The following KIF5C variants were observed in gnomAD, a reference collection of about 807,000 sequenced individuals.
KIF5C encodes the protein kinesin heavy chain isoform 5C.
In KIF5C, 18 loss-of-function variants were observed where a neutral mutation model predicts 125.2. The ratio of observed to expected loss-of-function variants is 0.14; its 90% CI spans 0.10 to 0.21. KIF5C has a LOEUF of 0.21. KIF5C is among the 10% of genes least tolerant of loss of function. The pLI is 1.00. For missense variants in KIF5C, 780 were observed against 1,183.8 expected (o/e 0.66, Z 5.01); for synonymous variants, 405 against 434.0 (o/e 0.93, Z 0.83).
intron 11 of KIF5C, among the ~76,000 whole-genome samples, chr2:148,962,621 T>C (rs1329160239): frequency 2.0e-5 from 3 of 152,142 alleles, no homozygotes; most frequent in Non-Finnish European, 4.4e-5. Context: ...ACAGGCACCA[T>C]CCCCATCCCA....
chr2:148,898,898 T>C (rs1256426533), intron 1 of KIF5C, among the ~76,000 whole-genome samples: 1 of 152,176 alleles, frequency 6.6e-6, no homozygotes, highest in East Asian at 1.9e-4. Flanking sequence ...CAAACACAAG[T>C]TTTTACCAGA....
At chr2:148,967,324 G>A (rs1388588335) in intron 11 of KIF5C, among the ~76,000 whole-genome samples, 1 of 152,206 alleles carries the variant, frequency 6.6e-6, no homozygotes, top group African/African-American at 2.4e-5. Flanking sequence ...CAAAGCAGAG[G>A]CAACAGGCTC....
At chr2:148,904,523 G>C (rs774707648) in intron 1 of KIF5C, among the ~76,000 whole-genome samples, 1 of 152,208 alleles carries the variant, frequency 6.6e-6, no homozygotes, top group Non-Finnish European at 1.5e-5. Context: ...TGGATTAGGC[G>C]TTGATGGTGG....
At chr2:148,897,014 G>A (rs1680699915) in intron 1 of KIF5C, among the ~76,000 whole-genome samples, 1 of 152,088 alleles carries the variant, frequency 6.6e-6, no homozygotes, top group Admixed American at 6.6e-5. Context: ...TGTATCTTTA[G>A]TAGAGATGGG....
Position 149,005,478 on chromosome 2 carries a change from G to T in KIF5C, c.2445+14G>T, listed in dbSNP as rs763352488. 6.2e-7 allele frequency: 1 copy of T among 1,612,980 alleles called. No homozygotes were observed. On this transcript the variant is annotated intron_variant, in intron 22 of 25. Transcript: ENST00000435030. ...CGAGTTAAAAAAGTGAGTTCTCTTT[G>T]TCTGAATGGGACTGAGAAGAAAATC...
chr2:148,907,814 T>C (rs1681173056), intron 1 of KIF5C, among the ~76,000 whole-genome samples: 1 of 152,226 alleles, frequency 6.6e-6, no homozygotes, highest in Non-Finnish European at 1.5e-5. Flanking sequence ...TGCCTGACTC[T>C]GTGGCTCAGG....
chr2:148,891,604 G>A (rs772007047), intron 1 of KIF5C, among the ~76,000 whole-genome samples: 4 of 152,068 alleles, frequency 2.6e-5, no homozygotes, highest in South Asian at 2.1e-4. Flanking sequence ...ATTCTTCCTC[G>A]CTTGTGAAAT....
At chr2:148,948,067 G>A (rs1030182867) in intron 8 of KIF5C, 2 of 454,208 alleles carry the variant, frequency 4.4e-6, no homozygotes, top group Non-Finnish European at 4.4e-6. Flanking sequence ...CTAGTATGGG[G>A]CCGGGTGCAG....
At position 149,005,410 on chromosome 2, in the gene KIF5C, A is replaced by T. The variant is rs1278552292; in HGVS notation, c.2391A>T (p.Thr797=). 6.2e-7 allele frequency: 1 copy of T among 1,613,840 alleles called. No homozygotes were observed. The highest frequency in any genetic ancestry group is 1.7e-5 in the Admixed American group (1 of 60,000). ...TCTTCCAGTCTAGAGAATTGCAGAC[A>T]CTGCACAACCTTCGGAAACTCTTTG... ...LEETVSRELQ[T]LHNLRKLFVQ... Residue 797 remains threonine (T), a synonymous_variant, in exon 22 of 26, where the codon ACA becomes ACT. Transcript: ENST00000435030.
At chr2:148,993,219 T>A (rs1681573229) in intron 16 of KIF5C, among the ~76,000 whole-genome samples, 2 of 152,222 alleles carry the variant, frequency 1.3e-5, no homozygotes, top group South Asian at 4.2e-4. Flanking sequence ...TGGAGTAGGG[T>A]GTAGCCAGAG....
chr2:148,899,702 C>CAAA (rs771196518), intron 1 of KIF5C, among the ~76,000 whole-genome samples: 21 of 45,998 alleles, frequency 4.6e-4, no homozygotes, highest in African/African-American at 9.1e-4. Context: ...AACTCCATCT[C>CAAA]AAAAAAAAAA....
chr2:148,954,921 TGGG>T (rs1165229197), intron 10 of KIF5C, among the ~76,000 whole-genome samples: 1 of 152,148 alleles, frequency 6.6e-6, no homozygotes, highest in Non-Finnish European at 1.5e-5. Context: ...TCATTCCTGT[TGGG>T]GGGCCTGTTG....
chr2:148,942,718 G>A lies in KIF5C; in HGVS notation c.547G>A (p.Val183Ile). Reference sequence around the variant, plus strand: ...GTCGAGCCCTGAGGAAGTCATGGATGTAATAGATGAAGGCAAAGCAAACCG... The same window carrying A: ...GTCGAGCCCTGAGGAAGTCATGGATATAATAGATGAAGGCAAAGCAAACCG... ...FVSSPEEVMD[V>I]IDEGKANRHV... is the part of the protein sequence containing the mutation. The change falls in exon 7 of 26, where the codon GTA (valine) becomes ATA (isoleucine). Residue 183 changes from valine to isoleucine, a missense_variant. Physicochemically the swap from Val to Ile is conservative, Grantham distance 29. Around this residue, in one of 2 missense-constraint regions of KIF5C, gnomAD observed 207 missense variants for 441.2 expected, o/e 0.47. Transcript: ENST00000435030. 1 of 1,611,564 alleles carries A rather than the reference G, an allele frequency of 6.2e-7. No homozygotes were observed. The highest frequency in any genetic ancestry group is 8.5e-7 in the Non-Finnish European group (1 of 1,179,074).
At chr2:148,978,867 G>A (rs1308165960) in intron 12 of KIF5C, 55 bp from the exon 13 acceptor site, 7 of 1,535,974 alleles carry the variant, frequency 4.6e-6, no homozygotes, top group African/African-American at 1.4e-5. Flanking sequence ...TGGGAGACTG[G>A]GATATCAAAA....
chr2:148,937,433 A>G, intron 4 of KIF5C, 45 bp downstream of exon 4: 2 of 1,541,520 alleles, frequency 1.3e-6, no homozygotes, highest in Non-Finnish European at 1.7e-6. Flanking sequence ...TGGGCCCCAG[A>G]TAACGTTTCT....
At chr2:149,016,664 T>G (rs1275894006) in intron 25 of KIF5C, among the ~76,000 whole-genome samples, 1 of 152,194 alleles carries the variant, frequency 6.6e-6, no homozygotes, top group African/African-American at 2.4e-5. Flanking sequence ...GTGCTGCCTC[T>G]CAGACATCCA....
At chr2:148,907,694 G>A (rs532390169) in intron 1 of KIF5C, among the ~76,000 whole-genome samples, 5 of 152,312 alleles carry the variant, frequency 3.3e-5, no homozygotes, top group East Asian at 3.9e-4. Flanking sequence ...GAGGTGAGGC[G>A]AGAGCATGTC....
At chr2:148,877,406 G>A (rs1196447633) in intron 1 of KIF5C, 1 of 152,266 alleles carries the variant, frequency 6.6e-6, no homozygotes, top group African/African-American at 2.4e-5. Flanking sequence ...GAAGATATAA[G>A]CTACGATTAT....
chr2:148,942,469 C>T (rs1682430634), intron 6 of KIF5C, among the ~76,000 whole-genome samples: 2 of 152,012 alleles, frequency 1.3e-5, no homozygotes, highest in South Asian at 2.1e-4. Context: ...TTTTGGTTTA[C>T]GTCTATATTT....
Sources: gnomAD v4.1 joint callset for allele counts (sites outside exome capture counted in the v4.1 genomes callset) on GRCh38, gnomAD v4.1.1 for gene constraint, gnomAD v4.1.1 regional missense constraint, MANE v1.5 for transcripts, NCBI Gene and HGNC (gene_info 2026-07-23, HGNC 2026-07-21) for gene names.